Variants in NELL2 observed in about 807,000 individuals in gnomAD.
NELL2 encodes the protein protein kinase C-binding protein NELL2.
NELL2 carries 41 observed loss-of-function variants against 109.6 expected under a neutral mutation model. The ratio of observed to expected loss-of-function variants is 0.37; its 90% CI spans 0.29 to 0.49. The LOEUF is 0.49. Ranked by LOEUF, NELL2 falls within the 20% of genes least tolerant of loss-of-function variation. NELL2 has a pLI of 0.98. For missense variants in NELL2, 900 were observed against 1,008.3 expected, an observed-to-expected ratio of 0.89 and a Z score of 1.45; for synonymous variants, 355 against 344.7, an observed-to-expected ratio of 1.03 and a Z score of -0.33.
intron 13 of NELL2, among the ~76,000 whole-genome samples, chr12:44,621,002 T>C (rs1288649763): frequency 1.3e-5 from 2 of 152,162 alleles, no homozygotes; most frequent in Admixed American, 6.5e-5. Flanking sequence ...TCACTGGCCA[T>C]CAAGGCACCA....
intron 1 of NELL2, among the ~76,000 whole-genome samples, chr12:44,906,784 A>G (rs759048107): frequency 1.2e-4 from 19 of 152,264 alleles, no homozygotes; most frequent in Middle Eastern, 3.4e-3. Flanking sequence ...ATGTCCAAAT[A>G]GAAATACTGA....
chr12:44,797,135 G>A (rs1396632564), intron 3 of NELL2, among the ~76,000 whole-genome samples: 1 of 152,114 alleles, frequency 6.6e-6, no homozygotes, highest in Non-Finnish European at 1.5e-5. Context: ...AAAAGAGTTA[G>A]GGAGTTAAAA....
intron 2 of NELL2, among the ~76,000 whole-genome samples, chr12:44,820,121 G>T (rs571204912): frequency 1.3e-5 from 2 of 152,120 alleles, no homozygotes; most frequent in African/African-American, 4.8e-5. Flanking sequence ...CACAGTTTTC[G>T]GTTCTCTGTC....
intron 1 of NELL2, among the ~76,000 whole-genome samples, chr12:44,900,488 C>T (rs551911715): frequency 9.9e-5 from 15 of 151,848 alleles, no homozygotes; most frequent in Non-Finnish European, 1.9e-4. Flanking sequence ...ACATGGAAAC[C>T]GAACAACCTG....
chr12:44,514,424 G>C, intron 19 of NELL2, among the ~76,000 whole-genome samples: 1 of 151,806 alleles, frequency 6.6e-6, no homozygotes, highest in East Asian at 1.9e-4. Context: ...GCCCAAACAA[G>C]TGAGTAAAAT....
chr12:44,618,468 T>C (rs888332755), intron 13 of NELL2, among the ~76,000 whole-genome samples: 5 of 152,180 alleles, frequency 3.3e-5, no homozygotes, highest in Non-Finnish European at 5.9e-5. Flanking sequence ...CTTATAGTAA[T>C]TTCATAAGCT....
At chr12:44,876,953 T>G, upstream of NELL2, 4 of 1,141,446 alleles carry the variant, frequency 3.5e-6, no homozygotes, top group Non-Finnish European at 4.4e-6. Flanking sequence ...CGCGGAGAGC[T>G]TCCCGGGCGC....
chr12:44,598,973 C>T (rs1344336451), intron 15 of NELL2, among the ~76,000 whole-genome samples: 1 of 151,694 alleles, frequency 6.6e-6, no homozygotes, highest in East Asian at 1.9e-4. Flanking sequence ...TTATTTCTAC[C>T]TATGCTTGAG....
chr12:44,695,075 G>A (rs1949019767), intron 12 of NELL2, among the ~76,000 whole-genome samples: 1 of 150,706 alleles, frequency 6.6e-6, no homozygotes, highest in African/African-American at 2.4e-5. Flanking sequence ...AGGGAGGAAG[G>A]GAGGGAGGGG....
At chr12:44,712,767 G>C (rs898296066) in intron 10 of NELL2, among the ~76,000 whole-genome samples, 2 of 151,938 alleles carry the variant, frequency 1.3e-5, no homozygotes, top group Admixed American at 1.3e-4. Context: ...GTATGCAAGA[G>C]AGTTTGAAGA....
intron 2 of NELL2, among the ~76,000 whole-genome samples, chr12:44,817,890 AC>A (rs1943404896): frequency 6.6e-6 from 1 of 152,204 alleles, no homozygotes; most frequent in Non-Finnish European, 1.5e-5. Context: ...TGTGACACAG[AC>A]CTGACCAATC....
chr12:44,707,488 A>T (rs150707421), intron 11 of NELL2, among the ~76,000 whole-genome samples: 1 of 152,298 alleles, frequency 6.6e-6, no homozygotes, highest in East Asian at 1.9e-4. Flanking sequence ...CCTGAAGCCA[A>T]TTTATCCTCT....
At chr12:44,661,551 A>C (rs192509273) in intron 13 of NELL2, among the ~76,000 whole-genome samples, 6 of 152,104 alleles carry the variant, frequency 3.9e-5, no homozygotes, top group Non-Finnish European at 7.4e-5. Context: ...TGTGACTCAG[A>C]TATTTGCCAC....
chr12:44,523,300 G>A lies in NELL2; in HGVS notation c.1989C>T (p.Cys663=). The change falls in exon 17 of 20, where the codon TGC becomes TGT. Residue 663 remains cysteine (C), a synonymous_variant. Coordinates refer to ENST00000429094, the MANE Select transcript of NELL2 (RefSeq NM_001145108.2). ...TTTCATTTATACCAACCTGACATGA[G>A]CACACAGAGCACCTGTCATTTTCCA... ...WVLENDRCSV[C]SCQNGFVMCR... 6.2e-7 allele frequency: 1 copy of A among 1,614,074 alleles called. No homozygotes were observed. The highest frequency in any genetic ancestry group is 8.5e-7 in the Non-Finnish European group (1 of 1,179,964).
chr12:44,526,765 A>G (rs960673134), intron 16 of NELL2, among the ~76,000 whole-genome samples: 4 of 152,224 alleles, frequency 2.6e-5, no homozygotes, highest in African/African-American at 9.6e-5. Flanking sequence ...GGAGGGATGA[A>G]GGCAGAAGTG....
intron 9 of NELL2, among the ~76,000 whole-genome samples, chr12:44,741,411 C>A (rs139518813): frequency 2.2e-4 from 33 of 152,166 alleles, no homozygotes; most frequent in Non-Finnish European, 3.8e-4. Flanking sequence ...GCATTTCCAA[C>A]TGAAGTACCG....
At chr12:44,812,311 T>A (rs1394539402) in intron 3 of NELL2, among the ~76,000 whole-genome samples, 1 of 152,156 alleles carries the variant, frequency 6.6e-6, no homozygotes, top group Non-Finnish European at 1.5e-5. Flanking sequence ...AGATGTATGT[T>A]ATCAACATCA....
intron 2 of NELL2, among the ~76,000 whole-genome samples, chr12:44,846,845 T>C (rs952968373): frequency 2.6e-5 from 4 of 152,228 alleles, no homozygotes; most frequent in Admixed American, 2.6e-4. Context: ...CATACAAATG[T>C]TATTTGGTTT....
intron 3 of NELL2, among the ~76,000 whole-genome samples, chr12:44,790,599 C>CA (rs1369661441): frequency 1.5e-4 from 22 of 149,190 alleles, no homozygotes; most frequent in South Asian, 8.6e-4. Context: ...ACAACAACAA[C>CA]AACAAAAAAA....
Sources: allele counts gnomAD v4.1 joint callset (sites outside exome capture counted in the v4.1 genomes callset), GRCh38; gene constraint gnomAD v4.1.1; transcripts MANE v1.5; gene names NCBI Gene and HGNC (gene_info 2026-07-23, HGNC 2026-07-21).